EPN3: variants seen among roughly 807,000 people sequenced by gnomAD.
The protein encoded by EPN3 is epsin-3.
A neutral mutation model predicts 55.5 loss-of-function variants in EPN3; 56 were observed. The ratio of observed to expected loss-of-function variants is 1.01; its 90% CI spans 0.81 to 1.26. The LOEUF (loss-of-function observed/expected upper bound fraction) is 1.26. Ranked by LOEUF, EPN3 falls within the 50% of genes most tolerant of loss-of-function variation. The probability of loss-of-function intolerance (pLI) is 0.00; values close to 1 mark genes in which losing one functional copy is unlikely to be tolerated. For missense variants in EPN3, 927 were observed against 853.4 expected (o/e 1.09, Z -1.07); for synonymous variants, 449 against 375.2 (o/e 1.20, Z -2.27).
intron 1 of EPN3, among the ~76,000 whole-genome samples, chr17:50,535,132 TC>T (rs1452333768): frequency 1.3e-5 from 2 of 152,190 alleles, no homozygotes; most frequent in African/African-American, 4.8e-5. Flanking sequence ...CTGGCCCAGC[TC>T]TTCTCCCTGC....
chr17:50,535,977 G>C (rs927714158), intron 1 of EPN3: 8 of 153,866 alleles, frequency 5.2e-5, no homozygotes, highest in African/African-American at 1.9e-4. Flanking sequence ...GGGTCATCTT[G>C]GTTCCCCATG....
chr17:50,538,813 C>T (rs2034802258), intron 3 of EPN3, 71 bp from the exon 4 acceptor site: 1 of 1,161,910 alleles, frequency 8.6e-7, no homozygotes, highest in Non-Finnish European at 1.2e-6. Context: ...ATGACCCAGG[C>T]AGGCCTATAC....
rs763965821 is a variant in EPN3, at chr17:50,542,152, C to T, written c.1894C>T (p.Leu632Phe). The change falls in exon 10 of 10, where the codon CTC (leucine) becomes TTC (phenylalanine). Residue 632 changes from leucine to phenylalanine, a missense_variant. By Grantham distance (22) the Leu-to-Phe change is conservative. Transcript: ENST00000268933. The stretch of plus-strand genomic sequence containing the variant: ...CCCGCAGACCGGCACCAACCCCTTC[C>T]TCTGAGCCCCGCCCCGTCCCATACC... ...PPPQTGTNPF[L>F] 13 of 1,497,862 alleles carry T rather than the reference C, an allele frequency of 8.7e-6. No homozygotes were observed. In the East Asian group the frequency reaches 1.7e-4, roughly 19 times the overall value. 92.8% of individuals were successfully genotyped at this position (1,497,862 alleles called of 1,614,324 possible).
At chr17:50,536,355 G>T in intron 1 of EPN3, 66 bp from the exon 2 acceptor site, 2 of 1,338,922 alleles carry the variant, frequency 1.5e-6, no homozygotes, top group Non-Finnish European at 2.0e-6. Context: ...TCATTTAGTT[G>T]GTCAGTGGCT....
rs12937447 is a variant in EPN3 at position 50,541,668 on chromosome 17, C to T, written c.1559C>T (p.Ala520Val). ...TCGTTGGTCAAGGCACCCCAGGTTG[C>T]AAAGACCCGGAACCCCTTCCTGACA... ...LDSLVKAPQV[A>V]KTRNPFLTGL... Residue 520 changes from alanine (A) to valine (V), a missense_variant, in exon 9 of 10, where the codon GCA becomes GTA. Transcript: ENST00000268933. 1 of 1,614,126 alleles carries T rather than the reference C, an allele frequency of 6.2e-7. No individual in the cohort carries two copies. The highest frequency in any genetic ancestry group is 8.5e-7 in the Non-Finnish European group (1 of 1,180,014).
In EPN3 at chr17:50,542,017, C is replaced by T; in HGVS notation, c.1759C>T (p.Pro587Ser). ...ASLPLPLSSV[P>S]AGLTLPASVS... is the part of the protein sequence containing the mutation. ...TCTGCCCCTCCCGCTCAGCAGCGTG[C>T]CAGCTGGCTTGACCCTCCCCGCCTC... Residue 587 changes from proline to serine, a missense_variant, in exon 10 of 10, where the codon CCA (proline) becomes TCA (serine). Physicochemically the swap from Pro to Ser is moderately conservative, Grantham distance 74. Transcript: ENST00000268933. The T allele has an allele frequency of 6.3e-7, 1 of 1,597,756 alleles. No homozygotes were observed. Among genetic ancestry groups the T allele is most frequent in the Non-Finnish European group, 8.5e-7 (1 of 1,178,770 alleles).
chr17:50,534,505 ACT>A, intron 1 of EPN3: 4 of 985,178 alleles, frequency 4.1e-6, no homozygotes, highest in Non-Finnish European at 3.6e-6. Context: ...TCCCATCTTG[ACT>A]CTGCCACCCC....
Position 50,538,982 on chromosome 17 carries a change from C to T in EPN3, c.762+18C>T. On this transcript the variant is annotated intron_variant, in intron 4 of 9. Coordinates refer to ENST00000268933, the MANE Select transcript of EPN3 (RefSeq NM_017957.3). ...ACGAGAAGGTAGTGGGCCGAGCCCG[C>T]TGGGCTGCCGGTGCTGCTGCTGCTG... is the stretch of plus-strand genomic sequence containing the variant. 1.3e-6 allele frequency: 2 copies of T among 1,584,996 alleles called. No homozygotes were observed. The highest frequency in any genetic ancestry group is 1.7e-6 in the Non-Finnish European group (2 of 1,164,444).
intron 4 of EPN3, 29 bp from the exon 5 acceptor site, chr17:50,539,158 G>T (rs2034809879): frequency 6.2e-7 from 1 of 1,612,822 alleles, no homozygotes; most frequent in Non-Finnish European, 8.5e-7. Flanking sequence ...AGCTGCTCAT[G>T]CTCCTAACTC....
intron 5 of EPN3, among the ~76,000 whole-genome samples, chr17:50,539,578 G>A (rs1369519520): frequency 6.6e-6 from 1 of 152,138 alleles, no homozygotes; most frequent in South Asian, 2.1e-4. Context: ...CTATGACTTG[G>A]GGCATGTCAC....
At chr17:50,539,563 T>C (rs1226248694) in intron 5 of EPN3, among the ~76,000 whole-genome samples, 1 of 152,214 alleles carries the variant, frequency 6.6e-6, no homozygotes, top group African/African-American at 2.4e-5. Context: ...TTGCTGCCAC[T>C]TACTCTATGA....
At chr17:50,536,186 A>G (rs2034757764) in intron 1 of EPN3, 2 of 255,458 alleles carry the variant, frequency 7.8e-6, no homozygotes, top group Admixed American at 1.0e-4. Context: ...CACCTTTCCC[A>G]TCTGTGGATG....
At position 50,541,697 on chromosome 17, in the gene EPN3, A is replaced by G; in HGVS notation, c.1585+3A>G. On this transcript the variant is annotated splice_donor_region_variant and intron_variant, in intron 9 of 9. Coordinates refer to ENST00000268933, the MANE Select transcript of EPN3 (RefSeq NM_017957.3). ...GACCCGGAACCCCTTCCTGACAGGT[A>G]AGATATGCCCTTGTCCCTCAACCCA... 1.2e-6 allele frequency: 2 copies of G among 1,613,800 alleles called. No homozygotes were observed. The highest frequency in any genetic ancestry group is 1.1e-5 in the South Asian group (1 of 91,082).
At chr17:50,538,812 G>C (rs2034802187) in intron 3 of EPN3, 72 bp from the exon 4 acceptor site, 2 of 1,158,194 alleles carry the variant, frequency 1.7e-6, no homozygotes, top group South Asian at 1.7e-5. Context: ...CATGACCCAG[G>C]CAGGCCTATA....
chr17:50,538,775 G>A, intron 3 of EPN3, 109 bp from the exon 4 acceptor site: 1 of 760,504 alleles, frequency 1.3e-6, no homozygotes, highest in Admixed American at 3.2e-5. Context: ...CATGCACACT[G>A]AGGGTGGGCA....
In EPN3 at chr17:50,543,554, T is replaced by A. The variant is rs141028778; in HGVS notation, c.*1397T>A. ...AGAGTCGGTGAGTGGAGAGGCACAA[T>A]GCCACTCCCCTTCCTGAGGTGGGGG... is the stretch of plus-strand genomic sequence containing the variant. On this transcript the variant is annotated 3_prime_UTR_variant, in exon 10 of 10. Coordinates refer to ENST00000268933, the MANE Select transcript of EPN3 (RefSeq NM_017957.3). 1.3e-5 allele frequency: 2 copies of A among 152,270 alleles called. No individual in the cohort carries two copies. Among genetic ancestry groups the A allele is most frequent in the Non-Finnish European group, 2.9e-5 (2 of 68,026 alleles). The allele number at this position is 152,270 out of a possible 1,614,324, so 9.4% of individuals were successfully genotyped here.
At chr17:50,539,794 T>C (rs1178321880) in intron 5 of EPN3, among the ~76,000 whole-genome samples, 1 of 152,238 alleles carries the variant, frequency 6.6e-6, no homozygotes. Flanking sequence ...AAGCTGTCCA[T>C]GCCACGCCCG....
In EPN3 at chr17:50,540,343, G is replaced by A; in HGVS notation, c.979+9G>A. On this transcript the variant is annotated intron_variant, in intron 6 of 9. Transcript: ENST00000268933. ...CCCATGGGACATCCCAGGTGGGCATGCAGGGCTGCAAGAGACTTCCAGGCT... is the reference window on the plus strand; with the variant it reads ...CCCATGGGACATCCCAGGTGGGCATACAGGGCTGCAAGAGACTTCCAGGCT... 2 of 1,606,142 alleles carry A rather than the reference G, an allele frequency of 1.2e-6. No homozygotes were observed. Among genetic ancestry groups the A allele is most frequent in the South Asian group, 2.2e-5 (2 of 90,844 alleles).
intron 3 of EPN3, chr17:50,538,662 G>A (rs1036412322): frequency 4.2e-6 from 2 of 476,032 alleles, no homozygotes; most frequent in Non-Finnish European, 7.6e-6. Flanking sequence ...AACTCTCAGA[G>A]GATTCAGAAG....
Sources: gnomAD v4.1 joint callset for allele counts (sites outside exome capture counted in the v4.1 genomes callset) on GRCh38, gnomAD v4.1.1 for gene constraint, MANE v1.5 for transcripts, NCBI Gene and HGNC (gene_info 2026-07-23, HGNC 2026-07-21) for gene names.